Variants in LY6H observed in about 807,000 individuals in gnomAD.
LY6H encodes the protein lymphocyte antigen 6H.
In LY6H, 8 loss-of-function variants were observed where a neutral mutation model predicts 14.6. That is an observed-to-expected ratio of 0.55 (90% CI 0.32 to 0.99). The LOEUF (loss-of-function observed/expected upper bound fraction) is 0.99, where lower values mean the gene tolerates loss of function less well. Among genes scored for constraint, LY6H ranks in the 50% least tolerant of loss-of-function variants. The pLI is 0.04. For missense variants in LY6H, 196 were observed against 219.6 expected (o/e 0.89, Z 0.68); for synonymous variants, 115 against 97.2 (o/e 1.18, Z -1.08).
At chr8:143,160,085 G>C in intron 1 of LY6H, 113 bp downstream of exon 1, 1 of 958,668 alleles carries the variant, frequency 1.0e-6, no homozygotes, top group South Asian at 5.1e-5. Flanking sequence ...CCCCTGGGCT[G>C]GGGGGCCGGG....
chr8:143,158,562 G>A, intron 3 of LY6H, 77 bp from the exon 4 acceptor site: 1 of 1,374,962 alleles, frequency 7.3e-7, no homozygotes, highest in Non-Finnish European at 1.0e-6. Flanking sequence ...CCCAGCCCAG[G>A]CCCCTCCGGG....
chr8:143,159,206 C>T, intron 2 of LY6H: 1 of 574,378 alleles, frequency 1.7e-6, no homozygotes, highest in Non-Finnish European at 3.1e-6. Flanking sequence ...GACCCCACAC[C>T]GACAGTGCCC....
At chr8:143,159,410 C>A in intron 2 of LY6H, 172 bp downstream of exon 2, 1 of 719,714 alleles carries the variant, frequency 1.4e-6, no homozygotes, top group Non-Finnish European at 2.1e-6. Context: ...AGCCCAGTGC[C>A]GGGGCAGAGG....
chr8:143,159,766 C>T, intron 1 of LY6H, 57 bp from the exon 2 acceptor site: 2 of 1,315,568 alleles, frequency 1.5e-6, no homozygotes, highest in South Asian at 4.1e-5. Context: ...TTCCCAGCCT[C>T]AGGATGCAAC....
rs1815501409 is a variant in LY6H, at chr8:143,158,344, C to T, written c.392G>A (p.Cys131Tyr). 6.2e-7 allele frequency: 1 copy of T among 1,613,782 alleles called. No homozygotes were observed. The highest frequency in any genetic ancestry group is 8.5e-7 in the Non-Finnish European group (1 of 1,179,874). ...VDVDCCEKDL[C>Y]NGAAGAGHSP... ...GTGCCCTGCCCCTGCCGCCCCATTG[C>T]ACAAATCCTTCTCGCAGCAGTCCAC... Residue 131 changes from cysteine to tyrosine, a missense_variant, in exon 4 of 4, where the codon TGC (cysteine) becomes TAC (tyrosine). Transcript: ENST00000342752.
At chr8:143,159,222 ACACTCCCGCCCCGCCTCACATATCC>A (rs1467428900) in intron 2 of LY6H, 3 of 555,394 alleles carry the variant, frequency 5.4e-6, no homozygotes, top group Non-Finnish European at 9.7e-6. Context: ...TGCCCCCCTC[ACACTCCCGCCCCGCCTCACATATCC>A]CCCCCAGAGG....
rs1474371472 is a variant in LY6H, at chr8:143,158,220, G to A, written c.*30C>T. ...GGCAGCCACAGGCTCAGGGGAGCAA[G>A]CTCAGAAGCCCCGTGGGAAGGAGGA... On this transcript the variant is annotated 3_prime_UTR_variant, in exon 4 of 4. Transcript: ENST00000342752. 2.6e-6 allele frequency: 4 copies of A among 1,530,152 alleles called. No individual in the cohort carries two copies. The African/African-American group carries it at 4.1e-5, about 16-fold the overall frequency. The allele number at this position is 1,530,152 out of a possible 1,614,324, so 94.8% of individuals were successfully genotyped here.
intron 2 of LY6H, 144 bp downstream of exon 2, chr8:143,159,438 G>C (rs1815538595): frequency 1.1e-6 from 1 of 940,892 alleles, no homozygotes; most frequent in Non-Finnish European, 1.5e-6. Context: ...GGCCGGGCTG[G>C]GGTCGCAGGG....
At chr8:143,159,056 C>T in intron 2 of LY6H, 134 bp from the exon 3 acceptor site, 1 of 1,278,114 alleles carries the variant, frequency 7.8e-7, no homozygotes, top group Non-Finnish European at 1.1e-6. Context: ...AGCAGGCCCC[C>T]ATGACCCCTG....
Position 143,159,320 on chromosome 8 carries a change from G to C in LY6H, c.130+262C>G, listed in dbSNP as rs1009948696. On this transcript the variant is annotated intron_variant, in intron 2 of 3. Coordinates refer to ENST00000342752, the MANE Select transcript of LY6H (RefSeq NM_001135655.2). ...TGAAAGGAGGCCCGGGAGGCTCTCA[G>C]AGGTGACGGATGACCAAGGGCTTCC... 6 of 545,500 alleles carry C rather than the reference G, an allele frequency of 1.1e-5. No individual in the cohort carries two copies. The East Asian group carries it at 1.9e-4, about 17-fold the overall frequency. The allele number at this position is 545,500 out of a possible 1,614,324, so 33.8% of individuals were successfully genotyped here.
rs1815569530 is a variant in LY6H at position 143,160,304 on chromosome 8, G to C, written c.-105C>G. 3.0e-6 allele frequency: 3 copies of C among 1,003,068 alleles called. No homozygotes were observed. Among genetic ancestry groups the C allele is most frequent in the Non-Finnish European group, 1.3e-6 (1 of 780,042 alleles). 62.1% of individuals were successfully genotyped at this position (1,003,068 alleles called of 1,614,324 possible). On this transcript the variant is annotated 5_prime_UTR_variant, in exon 1 of 4. Transcript: ENST00000342752. ...AATCCGGGCGCAGCCTCGTCTTTCG[G>C]GGAACGCAGCCGCAGACGCGGACCC...
At chr8:143,159,272 G>A in intron 2 of LY6H, 1 of 548,280 alleles carries the variant, frequency 1.8e-6, no homozygotes, top group South Asian at 2.4e-5. Context: ...TGGGTTCCAA[G>A]CTGTGAAGGA....
rs950448392 is a variant in LY6H, at chr8:143,160,053, G to A, written c.2+145C>T. 7.3e-5 allele frequency: 67 copies of A among 917,790 alleles called. No homozygotes were observed. In the African/African-American group the frequency reaches 1.1e-3, roughly 15 times the overall value. The allele number at this position is 917,790 out of a possible 1,614,324, so 56.9% of individuals were successfully genotyped here. A position where few individuals can be genotyped will look rare whatever the true frequency, so the allele number is the denominator to read the frequency against. ...GGGACCTGCCACTGGGGGGAGGGGC[G>A]CGTGCCAGGTCCCCACCCCCACCCC... On this transcript the variant is annotated intron_variant, in intron 1 of 3. Transcript: ENST00000342752.
Position 143,159,448 on chromosome 8 carries a change from G to A in LY6H, c.130+134C>T. 13 of 1,063,416 alleles carry A rather than the reference G, an allele frequency of 1.2e-5. No individual in the cohort carries two copies. The South Asian group carries it at 2.5e-4, about 20-fold the overall frequency. The allele number at this position is 1,063,416 out of a possible 1,614,324, so 65.9% of individuals were successfully genotyped here. A position where few individuals can be genotyped will look rare whatever the true frequency, so the allele number is the denominator to read the frequency against. On this transcript the variant is annotated intron_variant, in intron 2 of 3. Coordinates refer to ENST00000342752, the MANE Select transcript of LY6H (RefSeq NM_001135655.2). The stretch of plus-strand genomic sequence containing the variant: ...CCGAGGGCCGGGCTGGGGTCGCAGG[G>A]GTCCCGGAGGGGGCGTGGGCTCTAT...
intron 2 of LY6H, 68 bp downstream of exon 2, chr8:143,159,514 A>C (rs1815540523): frequency 4.2e-6 from 6 of 1,424,268 alleles, no homozygotes; most frequent in Non-Finnish European, 5.5e-6. Context: ...GCAGCCCCAC[A>C]CCCGGCTCTC....
chr8:143,158,651 AAGGAGCCAGGGGGGGACAGCAGGAC>A (rs1479472135), intron 3 of LY6H, 127 bp downstream of exon 3: 3 of 1,227,144 alleles, frequency 2.4e-6, no homozygotes, highest in Non-Finnish European at 3.4e-6. Flanking sequence ...AAGGGCCACC[AAGGAGCCAGGGGGGGACAGCAGGAC>A]AGTATCCTGC....
At chr8:143,158,687 C>T (rs950765182) in intron 3 of LY6H, 116 bp downstream of exon 3, 5 of 1,393,160 alleles carry the variant, frequency 3.6e-6, no homozygotes, top group Non-Finnish European at 4.9e-6. Flanking sequence ...AGTATCCTGC[C>T]TGCCGCCCCA....
chr8:143,159,315 T>G (rs1815534995), intron 2 of LY6H: 2 of 540,528 alleles, frequency 3.7e-6, no homozygotes, highest in African/African-American at 3.9e-5. Context: ...CCCGGGAGGC[T>G]CTCAGAGGTG....
intron 2 of LY6H, 175 bp downstream of exon 2, chr8:143,159,407 T>G: frequency 1.4e-6 from 1 of 697,838 alleles, no homozygotes; most frequent in East Asian, 3.3e-5. Context: ...GAGAGCCCAG[T>G]GCCGGGGCAG....
Sources: allele counts gnomAD v4.1 joint callset, GRCh38; gene constraint gnomAD v4.1.1; transcripts MANE v1.5; gene names NCBI Gene and HGNC (gene_info 2026-07-23, HGNC 2026-07-21).